Variants in SPOCK3 observed in about 807,000 individuals in gnomAD.
SPOCK3 encodes the protein testican-3.
In SPOCK3, 30 loss-of-function variants were observed where a neutral mutation model predicts 56.6. That is an observed-to-expected ratio of 0.53 (90% confidence interval 0.40 to 0.72). The LOEUF (loss-of-function observed/expected upper bound fraction) is 0.72, where lower values mean the gene tolerates loss of function less well. Ranked by LOEUF, SPOCK3 falls within the 30% of genes least tolerant of loss-of-function variation. The pLI is 0.00. For synonymous variants in SPOCK3, 196 were observed against 183.3 expected, an observed-to-expected ratio of 1.07 and a Z score of -0.56; for missense variants, 527 against 530.0, an observed-to-expected ratio of 0.99 and a Z score of 0.06.
chr4:166,876,839 T>C (rs1408195337), intron 6 of SPOCK3, among the ~76,000 whole-genome samples: 1 of 152,142 alleles, frequency 6.6e-6, no homozygotes, highest in Non-Finnish European at 1.5e-5. Context: ...TTAAGGGTGC[T>C]GGTGACACTT....
chr4:166,943,994 A>T (rs114566112), intron 4 of SPOCK3, among the ~76,000 whole-genome samples: 1 of 152,208 alleles, frequency 6.6e-6, no homozygotes, highest in Non-Finnish European at 1.5e-5. Flanking sequence ...TAATAATACA[A>T]AAATTAGCCG....
At chr4:166,906,663 A>C (rs1342380320) in intron 5 of SPOCK3, among the ~76,000 whole-genome samples, 1 of 151,908 alleles carries the variant, frequency 6.6e-6, no homozygotes, top group African/African-American at 2.4e-5. Flanking sequence ...AATATCTAAA[A>C]ATATATTTTT....
At position 166,975,504 on chromosome 4, in the gene SPOCK3, A is replaced by G. The variant is rs140171870; in HGVS notation, c.350+24845T>C. On this transcript the variant is annotated intron_variant, in intron 4 of 10. Coordinates refer to ENST00000357545, the MANE Select transcript of SPOCK3 (RefSeq NM_001040159.2). Reference sequence around the variant, plus strand: ...CAAGCATTTATCATTTCTTTGTGTTACATTCCAGCTATAATTTTAGTTATT... The same window carrying G: ...CAAGCATTTATCATTTCTTTGTGTTGCATTCCAGCTATAATTTTAGTTATT... Among the ~76,000 whole-genome samples the G allele has an allele frequency of 2.3e-3, 347 of 152,272 alleles. 3 individuals carry two copies. Among genetic ancestry groups the G allele is most frequent in the African/African-American group, 7.8e-3 (324 of 41,566 alleles).
chr4:166,747,149 C>A (rs1356690911), intron 8 of SPOCK3, among the ~76,000 whole-genome samples: 6 of 152,146 alleles, frequency 3.9e-5, no homozygotes, highest in Non-Finnish European at 5.9e-5. Flanking sequence ...TCAACATCAT[C>A]CTGATACCAA....
At chr4:167,023,088 T>A (rs1751353766) in intron 3 of SPOCK3, among the ~76,000 whole-genome samples, 1 of 151,978 alleles carries the variant, frequency 6.6e-6, no homozygotes. Context: ...TTTGGCTAAA[T>A]GGTTTTTCAC....
intron 6 of SPOCK3, among the ~76,000 whole-genome samples, chr4:166,833,424 G>A (rs2126802444): frequency 6.6e-6 from 1 of 152,222 alleles, no homozygotes; most frequent in East Asian, 1.9e-4. Flanking sequence ...TGTAGTATTG[G>A]TTACTAAGAG....
intron 2 of SPOCK3, among the ~76,000 whole-genome samples, chr4:167,092,032 G>C (rs1758747502): frequency 6.6e-6 from 1 of 152,112 alleles, no homozygotes. Context: ...GCTCTGGTCT[G>C]TAGCTCCCAG....
intron 7 of SPOCK3, among the ~76,000 whole-genome samples, chr4:166,770,330 A>C (rs2100537): frequency 0.47 from 72,116 of 152,086 alleles, 17,753 homozygotes; most frequent in African/African-American, 0.56. Flanking sequence ...CTTGGAACCA[A>C]GCCCAAGATG....
chr4:166,977,411 A>T (rs1290281530), intron 4 of SPOCK3, among the ~76,000 whole-genome samples: 1 of 115,782 alleles, frequency 8.6e-6, no homozygotes, highest in African/African-American at 2.7e-5. Context: ...TAAAATATTC[A>T]TTATGATAAT....
chr4:166,752,573 T>TACACAC (rs67209921), intron 8 of SPOCK3, among the ~76,000 whole-genome samples: 6 of 28,922 alleles, frequency 2.1e-4, no homozygotes, highest in South Asian at 1.3e-3. Context: ...TATATATATA[T>TACACAC]ACACACACAC....
chr4:166,911,986 C>A (rs1225158250), intron 5 of SPOCK3, among the ~76,000 whole-genome samples: 2 of 152,232 alleles, frequency 1.3e-5, no homozygotes, highest in Non-Finnish European at 2.9e-5. Flanking sequence ...GAACTCCTTA[C>A]TTTCTGTTAC....
intron 3 of SPOCK3, among the ~76,000 whole-genome samples, chr4:167,030,399 G>A (rs28427301): frequency 0.011 from 1,615 of 151,948 alleles, 28 homozygotes; most frequent in African/African-American, 0.037. Context: ...TTATTTCTTA[G>A]CAATTGATTT....
At chr4:167,023,783 G>A (rs559586065) in intron 3 of SPOCK3, among the ~76,000 whole-genome samples, 1 of 152,152 alleles carries the variant, frequency 6.6e-6, no homozygotes, top group East Asian at 1.9e-4. Flanking sequence ...AAATGGGCTA[G>A]AGAAAGGACA....
Position 166,772,289 on chromosome 4 carries a change from A to G in SPOCK3, c.710-17560T>C, listed in dbSNP as rs28507416. On this transcript the variant is annotated intron_variant, in intron 7 of 10. Transcript: ENST00000357545. ...ATAAAATATATGTTTAAAGTATGCA[A>G]TGCTATCTGCTGTATTTCCAAAAAT... 9.7e-3 allele frequency among the ~76,000 whole-genome samples: 1,470 copies of G among 152,234 alleles called. 28 individuals carry two copies. The highest frequency in any genetic ancestry group is 0.033 in the African/African-American group (1,390 of 41,554).
intron 2 of SPOCK3, among the ~76,000 whole-genome samples, chr4:167,196,114 A>C (rs887543383): frequency 1.3e-5 from 2 of 152,226 alleles, no homozygotes; most frequent in East Asian, 1.9e-4. Flanking sequence ...GTGTATACTC[A>C]GAATGCTTGC....
chr4:166,876,316 T>G (rs1733076039), intron 6 of SPOCK3, among the ~76,000 whole-genome samples: 1 of 152,160 alleles, frequency 6.6e-6, no homozygotes, highest in Non-Finnish European at 1.5e-5. Flanking sequence ...TTTCTTACAA[T>G]TTGAGACTAA....
At chr4:167,136,707 T>C (rs1763149783) in intron 2 of SPOCK3, among the ~76,000 whole-genome samples, 2 of 152,156 alleles carry the variant, frequency 1.3e-5, no homozygotes, top group African/African-American at 4.8e-5. Flanking sequence ...ATTTTATAAT[T>C]TTTTAAAATA....
chr4:166,795,073 C>CCATA (rs1432737157), intron 6 of SPOCK3, among the ~76,000 whole-genome samples: 1 of 152,142 alleles, frequency 6.6e-6, no homozygotes, highest in East Asian at 1.9e-4. Flanking sequence ...ATCATGTACA[C>CCATA]TATGGAGGTG....
At position 167,116,911 on chromosome 4, in the gene SPOCK3, G is replaced by GTATA. The variant is rs1279038321; in HGVS notation, c.190-54375_190-54374insTATA. 7.4e-4 allele frequency among the ~76,000 whole-genome samples: 85 copies of GTATA among 115,386 alleles called. No homozygotes were observed. In the East Asian group the frequency reaches 0.018, roughly 24 times the overall value. 75.7% of individuals were successfully genotyped at this position (115,386 alleles called of 152,430 possible). ...TACATATATACTTTTGTGTGTGTGT[G>GTATA]TGTATATATATATATATATATACTT... On this transcript the variant is annotated intron_variant, in intron 2 of 10. Coordinates refer to ENST00000357545, the MANE Select transcript of SPOCK3 (RefSeq NM_001040159.2).
Sources: allele counts gnomAD v4.1 joint callset (sites outside exome capture counted in the v4.1 genomes callset), GRCh38; gene constraint gnomAD v4.1.1; transcripts MANE v1.5; gene names NCBI Gene and HGNC (gene_info 2026-07-23, HGNC 2026-07-21).